LLGL2: variants seen among roughly 807,000 people sequenced by gnomAD.
LLGL2 encodes LLGL2, scribble cell polarity complex component.
Under a neutral mutation model 123.2 loss-of-function variants are expected in LLGL2, and 81 were observed. That is an observed-to-expected ratio of 0.66 (90% CI 0.55 to 0.79). The LOEUF (loss-of-function observed/expected upper bound fraction) is 0.79. LLGL2 is among the 30% of genes least tolerant of loss of function. The probability of loss-of-function intolerance (pLI) is 0.00; values close to 1 mark genes in which losing one functional copy is unlikely to be tolerated. For synonymous variants in LLGL2, 577 were observed against 594.1 expected (o/e 0.97, Z 0.42); for missense variants, 1,273 against 1,414.6 (o/e 0.90, Z 1.61).
chr17:75,570,984 G>T lies in LLGL2; in HGVS notation c.2060G>T (p.Gly687Val). The change falls in exon 17 of 26, where the codon GGC (glycine) becomes GTC (valine). Residue 687 changes from glycine (G) to valine (V), a missense_variant. By Grantham distance (109) the Gly-to-Val change is moderately radical (BLOSUM62 -3). Transcript: ENST00000392550. ...QEGSAKAERP[G>V]LQNMELAPVQ... Reference sequence around the variant, plus strand: ...GGGAGTGCCAAGGCTGAGCGGCCAGGCCTCCAGAACATGGAGCTGGCGCCT... The same window carrying T: ...GGGAGTGCCAAGGCTGAGCGGCCAGTCCTCCAGAACATGGAGCTGGCGCCT... 2 of 1,612,572 alleles carry T rather than the reference G, an allele frequency of 1.2e-6. No homozygotes were observed. The highest frequency in any genetic ancestry group is 1.7e-6 in the Non-Finnish European group (2 of 1,179,702).
At chr17:75,551,539 T>C (rs2054674055) in intron 2 of LLGL2, among the ~76,000 whole-genome samples, 1 of 151,984 alleles carries the variant, frequency 6.6e-6, no homozygotes, top group African/African-American at 2.4e-5. Flanking sequence ...GAATGAGGAA[T>C]GAATGCGGGT....
At chr17:75,525,533 G>C (rs1054436500), upstream of LLGL2, among the ~76,000 whole-genome samples, 2 of 151,224 alleles carry the variant, frequency 1.3e-5, no homozygotes, top group East Asian at 3.9e-4. This position sits in a 1 kb window ranked among gnomAD's most constrained non-coding sequence, Gnocchi z 4.8. Flanking sequence ...GCGAGGCCCC[G>C]CCCCGCGCTT....
chr17:75,565,052 C>A, intron 10 of LLGL2, among the ~76,000 whole-genome samples: 1 of 152,320 alleles, frequency 6.6e-6, no homozygotes, highest in East Asian at 1.9e-4. Flanking sequence ...GCTCTCTGCC[C>A]TTTCCAGACT....
rs578220451 is a variant in LLGL2, at chr17:75,537,852, C to T, written c.-30-5545C>T. Among the ~76,000 whole-genome samples, 103 of 149,732 alleles carry T rather than the reference C, an allele frequency of 6.9e-4. 2 individuals carry two copies. The South Asian group carries it at 0.014, about 20-fold the overall frequency. On this transcript the variant is annotated intron_variant, in intron 1 of 25. Transcript: ENST00000392550. ...TTGAGACAGTCTCTCTCTGTTGCCC[C>T]GGCTGTATTACAGTGGCACAATCTC...
chr17:75,574,549 C>T, intron 24 of LLGL2, 54 bp downstream of exon 24: 1 of 1,592,368 alleles, frequency 6.3e-7, no homozygotes, highest in Non-Finnish European at 8.5e-7. Flanking sequence ...CCAGAGGGCT[C>T]AGGGGAGCGC....
At position 75,563,369 on chromosome 17, in the gene LLGL2, G is replaced by A; in HGVS notation, c.732G>A (p.Leu244=). Residue 244 remains leucine, a synonymous_variant, in exon 8 of 26, where the codon CTG becomes CTA. Coordinates refer to ENST00000392550, the MANE Select transcript of LLGL2 (RefSeq NM_001031803.2). ...TCTGGTGGCAGCGGGACGGCCGCCT[G>A]CTCGTCAGCTGTCACTCTGACGGCA... ...ENIWWQRDGR[L]LVSCHSDGSY... 1 of 1,612,802 alleles carries A rather than the reference G, an allele frequency of 6.2e-7. No individual in the cohort carries two copies. The highest frequency in any genetic ancestry group is 8.5e-7 in the Non-Finnish European group (1 of 1,179,998).
upstream of LLGL2, chr17:75,525,025 G>C (rs905029438): frequency 1.9e-5 from 3 of 157,836 alleles, no homozygotes; most frequent in African/African-American, 7.2e-5. This position sits in a 1 kb window ranked among gnomAD's most constrained non-coding sequence, Gnocchi z 4.8. Context: ...CGGGTGGCGA[G>C]AGGCGCCACC....
intron 10 of LLGL2, among the ~76,000 whole-genome samples, chr17:75,566,912 C>T (rs2055467120): frequency 6.6e-6 from 1 of 152,242 alleles, no homozygotes. Flanking sequence ...GGGAAGGTGT[C>T]CATTTGGAGT....
At position 75,547,012 on chromosome 17, in the gene LLGL2, C is replaced by G. The variant is rs566445334; in HGVS notation, c.75+3511C>G. ...TCCTGGAAGGCCAGTCTGCTGGGTA[C>G]TGTGACAGCTGGGACAGTGGCGCCA... On this transcript the variant is annotated intron_variant, in intron 2 of 25. Transcript: ENST00000392550. Among the ~76,000 whole-genome samples the G allele has an allele frequency of 4.2e-4, 64 of 152,330 alleles. 1 individual carries two copies. The highest frequency in any genetic ancestry group is 1.5e-3 in the African/African-American group (64 of 41,576).
rs116761409 is a variant in LLGL2, at chr17:75,552,849, C to T, written c.76-3197C>T. Among the ~76,000 whole-genome samples the T allele has an allele frequency of 3.7e-3, 566 of 152,334 alleles. 4 individuals are homozygous for T. The highest frequency in any genetic ancestry group is 0.013 in the African/African-American group (539 of 41,576). On this transcript the variant is annotated intron_variant, in intron 2 of 25. Coordinates refer to ENST00000392550, the MANE Select transcript of LLGL2 (RefSeq NM_001031803.2). ...GCAAGTGCTTGGTGGCCCCATGGGG[C>T]TCATGGCTACCGTTCTGGGCAGCTC...
At chr17:75,551,516 C>T (rs2054673036) in intron 2 of LLGL2, among the ~76,000 whole-genome samples, 1 of 152,110 alleles carries the variant, frequency 6.6e-6, no homozygotes, top group Admixed American at 6.6e-5. Context: ...ACGATAACTC[C>T]AAGGCTTGAA....
intron 1 of LLGL2, among the ~76,000 whole-genome samples, chr17:75,527,701 A>C (rs1172188768): frequency 1.3e-5 from 2 of 151,992 alleles, no homozygotes; most frequent in African/African-American, 4.8e-5. Flanking sequence ...TCCTGGACTC[A>C]AGTGACCCTC....
intron 6 of LLGL2, among the ~76,000 whole-genome samples, chr17:75,561,460 C>T (rs2055214346): frequency 6.6e-6 from 1 of 151,548 alleles, no homozygotes; most frequent in Admixed American, 6.6e-5. Context: ...CCCTGTCTCT[C>T]CTCACAAAAA....
intron 1 of LLGL2, among the ~76,000 whole-genome samples, chr17:75,529,854 C>T (rs1293372882): frequency 1.3e-5 from 2 of 151,938 alleles, no homozygotes; most frequent in African/African-American, 2.4e-5. Context: ...AGCAAGACTC[C>T]GTCTCAAACT....
chr17:75,574,268 G>A lies in LLGL2; in HGVS notation c.2953+8G>A, dbSNP rs1195514126. On this transcript the variant is annotated splice_region_variant and intron_variant, in intron 23 of 25. Transcript: ENST00000392550. ...CTCTGCTCAGTGATGAGAGTGAGTTGGGTGGGAGAGGGTGGGGCTGGCAGG... is the reference window on the plus strand; with the variant it reads ...CTCTGCTCAGTGATGAGAGTGAGTTAGGTGGGAGAGGGTGGGGCTGGCAGG... 2 of 1,529,834 alleles carry A rather than the reference G, an allele frequency of 1.3e-6. No individual in the cohort carries two copies. The highest frequency in any genetic ancestry group is 4.1e-5 in the Admixed American group (2 of 48,476). The allele number at this position is 1,529,834 out of a possible 1,614,324, so 94.8% of individuals were successfully genotyped here.
chr17:75,573,882 T>C, intron 21 of LLGL2, 70 bp from the exon 22 acceptor site: 1 of 1,516,830 alleles, frequency 6.6e-7, no homozygotes. Context: ...TTGTTCTTCA[T>C]GGGACCAGGG....
intron 16 of LLGL2, among the ~76,000 whole-genome samples, chr17:75,570,742 C>T (rs2147549403): frequency 6.6e-6 from 1 of 152,364 alleles, no homozygotes; most frequent in African/African-American, 2.4e-5. Flanking sequence ...TTAGTGATTT[C>T]CTTTTTCTCT....
intron 1 of LLGL2, among the ~76,000 whole-genome samples, chr17:75,536,372 C>T (rs1415549688): frequency 6.6e-6 from 1 of 152,160 alleles, no homozygotes; most frequent in Non-Finnish European, 1.5e-5. Flanking sequence ...GCTCCCTGGC[C>T]CTGCTTTAAA....
At position 75,559,847 on chromosome 17, in the gene LLGL2, A is replaced by G. The variant is rs920175809; in HGVS notation, c.530+437A>G. 1.3e-5 allele frequency among the ~76,000 whole-genome samples: 2 copies of G among 152,102 alleles called. No homozygotes were observed. The highest frequency in any genetic ancestry group is 2.9e-5 in the Non-Finnish European group (2 of 67,994). On this transcript the variant is annotated intron_variant, in intron 6 of 25. Transcript: ENST00000392550. The surrounding 1 kb of genome is among the most constrained non-coding windows in gnomAD (Gnocchi z 4.6). Reference sequence around the variant, plus strand: ...CAAGCTCCGTGGCTAAAAAGCCTTGACCGCCACAGGCATGTGGGTCTGTTG... The same window carrying G: ...CAAGCTCCGTGGCTAAAAAGCCTTGGCCGCCACAGGCATGTGGGTCTGTTG...
Sources: gnomAD v4.1 joint callset for allele counts (sites outside exome capture counted in the v4.1 genomes callset) on GRCh38, gnomAD v4.1.1 for gene constraint, Gnocchi (gnomAD v3.1) non-coding constraint, MANE v1.5 for transcripts, NCBI Gene and HGNC (gene_info 2026-07-23, HGNC 2026-07-21) for gene names.